The following PARP15 variants were observed in gnomAD, a reference collection of about 807,000 sequenced individuals.
PARP15 encodes the protein protein mono-ADP-ribosyltransferase PARP15.
In PARP15, 50 loss-of-function variants were observed where a neutral mutation model predicts 62.1. That is an observed-to-expected ratio of 0.81 (90% CI 0.64 to 1.02). The LOEUF (loss-of-function observed/expected upper bound fraction) is 1.02, where lower values mean the gene tolerates loss of function less well. PARP15 is among the 50% of genes least tolerant of loss of function. The pLI, the probability that PARP15 is intolerant of heterozygous loss-of-function variation, is 0.00. For missense variants in PARP15, 820 were observed against 826.5 expected, an observed-to-expected ratio of 0.99 and a Z score of 0.10; for synonymous variants, 309 against 293.1, an observed-to-expected ratio of 1.05 and a Z score of -0.55.
intron 1 of PARP15, among the ~76,000 whole-genome samples, chr3:122,584,272 G>A (rs1933225596): frequency 6.6e-6 from 1 of 152,164 alleles, no homozygotes; most frequent in Non-Finnish European, 1.5e-5. Context: ...ACTGCCAGCT[G>A]AGTTTTTAAA....
Position 122,613,115 on chromosome 3 carries a change from G to A in PARP15, c.618G>A (p.Met206Ile), listed in dbSNP as rs1330811431. ...VLSFSSITFP[M>I]IGTGSLQFPK... is the part of the protein sequence containing the mutation. ...CTTTCTCATCAATCACATTTCCCAT[G>A]ATTGGAACAGGAAGTTTGCAGTTTC... The change falls in exon 4 of 12, where the codon ATG (methionine) becomes ATA (isoleucine). Residue 206 changes from methionine to isoleucine, a missense_variant. Around this residue, in one of 3 missense-constraint regions of PARP15, gnomAD observed 731 missense variants for 727.7 expected, o/e 1.00. Transcript: ENST00000464300. 2.6e-6 allele frequency: 4 copies of A among 1,551,800 alleles called. No individual in the cohort carries two copies. The Admixed American group carries it at 7.8e-5, about 30-fold the overall frequency.
chr3:122,593,433 C>T (rs541955442), intron 1 of PARP15, among the ~76,000 whole-genome samples: 2 of 152,148 alleles, frequency 1.3e-5, no homozygotes, highest in Admixed American at 1.3e-4. Flanking sequence ...TGAGCCACTG[C>T]GCCTGGCCAA....
rs1935931910 is a variant in PARP15, at chr3:122,615,872, T to C, written c.850+15T>C. On this transcript the variant is annotated intron_variant, in intron 5 of 11. Transcript: ENST00000464300. ...AGATACCCAAGGTCTGGTAAAGTCG[T>C]TCTGCTAAGGAAATATTTCCTTTTG... 1 of 1,602,612 alleles carries C rather than the reference T, an allele frequency of 6.2e-7. No homozygotes were observed. The highest frequency in any genetic ancestry group is 8.5e-7 in the Non-Finnish European group (1 of 1,170,662).
At chr3:122,580,950 T>A (rs2080791019) in intron 1 of PARP15, among the ~76,000 whole-genome samples, 1 of 152,204 alleles carries the variant, frequency 6.6e-6, no homozygotes, top group African/African-American at 2.4e-5. Context: ...TATTTAGATA[T>A]GTTTAATACA....
At chr3:122,608,358 G>A (rs1241175710) in intron 2 of PARP15, among the ~76,000 whole-genome samples, 1 of 151,732 alleles carries the variant, frequency 6.6e-6, no homozygotes, top group Non-Finnish European at 1.5e-5. Flanking sequence ...TGGGATTATA[G>A]GCGCCCACCA....
Position 122,636,241 on chromosome 3 carries a change from C to A in PARP15, c.*141C>A, listed in dbSNP as rs868627609. 1.2e-6 allele frequency: 1 copy of A among 803,918 alleles called. No individual in the cohort carries two copies. The allele number at this position is 803,918 out of a possible 1,614,324, so 49.8% of individuals were successfully genotyped here. On this transcript the variant is annotated 3_prime_UTR_variant, in exon 12 of 12. Coordinates refer to ENST00000464300, the MANE Select transcript of PARP15 (RefSeq NM_001113523.3). ...TGCTGAAAATTACCTTTTTAAAGTG[C>A]TCTATTGCTGCGATTTGTAGCATAC...
At chr3:122,626,785 A>C (rs1936754345) in intron 8 of PARP15, 42 bp from the exon 9 acceptor site, 1 of 1,567,136 alleles carries the variant, frequency 6.4e-7, no homozygotes, top group Admixed American at 1.8e-5. Flanking sequence ...TCATATTAGC[A>C]ACATCGGGGG....
At chr3:122,577,971 A>G (rs2037037248) in intron 1 of PARP15, 118 bp downstream of exon 1, 2 of 1,132,230 alleles carry the variant, frequency 1.8e-6, no homozygotes, top group South Asian at 1.7e-5. Flanking sequence ...CCTCTCTTCT[A>G]GGGGGCGCCG....
chr3:122,581,927 G>A (rs920121417), intron 1 of PARP15, among the ~76,000 whole-genome samples: 3 of 152,208 alleles, frequency 2.0e-5, no homozygotes, highest in Non-Finnish European at 2.9e-5. Context: ...AAATCAGGAA[G>A]TGAAAGATCA....
rs369678451 is a variant in PARP15, at chr3:122,605,788, C to T, written c.187-148C>T. On this transcript the variant is annotated intron_variant, in intron 1 of 11. Transcript: ENST00000464300. ...GTAGAGACAGGGTCTCAATATGTTG[C>T]CCAAGCTGTTCTTGAACTCCTGGGC... 8.7e-6 allele frequency: 6 copies of T among 691,576 alleles called. No individual in the cohort carries two copies. In the East Asian group the frequency reaches 1.5e-4, roughly 17 times the overall value. 42.8% of individuals were successfully genotyped at this position (691,576 alleles called of 1,614,324 possible). A position where few individuals can be genotyped will look rare whatever the true frequency, so the allele number is the denominator to read the frequency against.
In PARP15 at chr3:122,593,361, C is replaced by T. The variant is rs372554692; in HGVS notation, c.187-12575C>T. 8.7e-4 allele frequency among the ~76,000 whole-genome samples: 133 copies of T among 152,132 alleles called. No homozygotes were observed. The South Asian group carries it at 0.022, about 25-fold the overall frequency. On this transcript the variant is annotated intron_variant, in intron 1 of 11. Coordinates refer to ENST00000464300, the MANE Select transcript of PARP15 (RefSeq NM_001113523.3). ...TTCACCATGTTGGCCAGGCTGGTCT[C>T]GAATTCCTGATCTCAAGTGATCCAC... is the stretch of plus-strand genomic sequence containing the variant.
chr3:122,599,850 C>T (rs1311359270), intron 1 of PARP15, among the ~76,000 whole-genome samples: 1 of 152,240 alleles, frequency 6.6e-6, no homozygotes, highest in African/African-American at 2.4e-5. Flanking sequence ...ACTGGGATTA[C>T]AGACATGAAC....
At chr3:122,581,176 T>C (rs1017613498) in intron 1 of PARP15, among the ~76,000 whole-genome samples, 8 of 152,200 alleles carry the variant, frequency 5.3e-5, no homozygotes, top group African/African-American at 1.4e-4. Flanking sequence ...AAGTGACAGA[T>C]TACTGTATCT....
At chr3:122,631,956 T>C (rs1353344283) in intron 9 of PARP15, 130 bp from the exon 10 acceptor site, 7 of 957,952 alleles carry the variant, frequency 7.3e-6, no homozygotes, top group Middle Eastern at 2.1e-4. Flanking sequence ...GAAGAAGCAA[T>C]TGTGAAATGT....
intron 9 of PARP15, among the ~76,000 whole-genome samples, chr3:122,630,079 T>A (rs1187663171): frequency 6.6e-6 from 1 of 152,328 alleles, no homozygotes; most frequent in East Asian, 1.9e-4. Context: ...TTCAAAGAGC[T>A]GTATGGGAAG....
chr3:122,613,106 A>G lies in PARP15; in HGVS notation c.609A>G (p.Thr203=), dbSNP rs1935691226. The G allele has an allele frequency of 6.4e-7, 1 of 1,551,660 alleles. No individual in the cohort carries two copies. Among genetic ancestry groups the G allele is most frequent in the South Asian group, 1.2e-5 (1 of 84,068 alleles). ...TVEVLSFSSI[T]FPMIGTGSLQ... is the part of the protein sequence containing the mutation. ...AAGTGCTATCTTTCTCATCAATCAC[A>G]TTTCCCATGATTGGAACAGGAAGTT... Residue 203 remains threonine (T), a synonymous_variant, in exon 4 of 12, where the codon ACA becomes ACG. Coordinates refer to ENST00000464300, the MANE Select transcript of PARP15 (RefSeq NM_001113523.3).
chr3:122,604,305 G>A (rs544037673), intron 1 of PARP15, among the ~76,000 whole-genome samples: 4 of 152,132 alleles, frequency 2.6e-5, no homozygotes, highest in South Asian at 2.1e-4. Flanking sequence ...TTCTATGATC[G>A]ATTAATAGTC....
chr3:122,608,217 T>TC (rs201247936), intron 2 of PARP15, among the ~76,000 whole-genome samples: 88 of 136,968 alleles, frequency 6.4e-4, no homozygotes, highest in African/African-American at 3.7e-4. Flanking sequence ...TCTTTTCTTT[T>TC]TTTTTTTTTT....
intron 4 of PARP15, among the ~76,000 whole-genome samples, chr3:122,614,333 A>G (rs1935794853): frequency 6.6e-6 from 1 of 152,194 alleles, no homozygotes; most frequent in South Asian, 2.1e-4. Context: ...ATCACCACTT[A>G]AACTGGATCA....
Sources: gnomAD v4.1 joint callset for allele counts (sites outside exome capture counted in the v4.1 genomes callset) on GRCh38, gnomAD v4.1.1 for gene constraint, gnomAD v4.1.1 regional missense constraint, MANE v1.5 for transcripts, NCBI Gene and HGNC (gene_info 2026-07-23, HGNC 2026-07-21) for gene names.